The following MAD1L1 variants were observed in gnomAD, a reference collection of about 807,000 sequenced individuals.
MAD1L1 encodes mitotic spindle assembly checkpoint protein MAD1.
In MAD1L1, 95 loss-of-function variants were observed where a neutral mutation model predicts 96.9. That is an observed-to-expected ratio of 0.98 (90% CI 0.83 to 1.16). The LOEUF is 1.16. Ranked by LOEUF, MAD1L1 falls within the 50% of genes most tolerant of loss-of-function variation. The pLI is 0.00. For synonymous variants in MAD1L1, 473 were observed against 396.6 expected (o/e 1.19, Z -2.29); for missense variants, 1,007 against 954.4 (o/e 1.06, Z -0.73).
intron 11 of MAD1L1, among the ~76,000 whole-genome samples, chr7:2,078,492 C>T (rs1463692942): frequency 6.6e-6 from 1 of 152,236 alleles, no homozygotes; most frequent in Non-Finnish European, 1.5e-5. Flanking sequence ...GGAGATGCTC[C>T]CTGATCAGGA....
chr7:2,102,293 T>TGTCACCATCACCACC (rs796797802), intron 11 of MAD1L1, among the ~76,000 whole-genome samples: 1 of 142,098 alleles, frequency 7.0e-6, no homozygotes, highest in Non-Finnish European at 1.5e-5. Flanking sequence ...CCACCGCCAC[T>TGTCACCATCACCACC]GTCACCATCA....
At chr7:2,082,727 C>T (rs1194755536) in intron 11 of MAD1L1, among the ~76,000 whole-genome samples, 2 of 152,212 alleles carry the variant, frequency 1.3e-5, no homozygotes, top group African/African-American at 2.4e-5. Context: ...TGGAATCACC[C>T]GATAGCCCAA....
At chr7:2,111,401 T>C (rs971159675) in intron 11 of MAD1L1, among the ~76,000 whole-genome samples, 4 of 152,202 alleles carry the variant, frequency 2.6e-5, no homozygotes, top group African/African-American at 4.8e-5. Context: ...CTCTCTGCTC[T>C]AGTCAAGGAG....
chr7:1,828,263 TGA>T (rs1016980841), intron 18 of MAD1L1, among the ~76,000 whole-genome samples: 3 of 152,236 alleles, frequency 2.0e-5, no homozygotes, highest in Non-Finnish European at 2.9e-5. Context: ...TGGCGGGCCC[TGA>T]GAGACGGGGC....
chr7:1,856,744 C>G (rs1340351985), intron 18 of MAD1L1, among the ~76,000 whole-genome samples: 1 of 152,178 alleles, frequency 6.6e-6, no homozygotes, highest in Non-Finnish European at 1.5e-5. Flanking sequence ...AGCGGCAGGG[C>G]CCACGCGCAC....
At chr7:1,818,190 G>A (rs1781927623) in intron 18 of MAD1L1, among the ~76,000 whole-genome samples, 1 of 152,090 alleles carries the variant, frequency 6.6e-6, no homozygotes, top group Non-Finnish European at 1.5e-5. Flanking sequence ...GCAGGGGTGG[G>A]GAGGCAGTGT....
intron 12 of MAD1L1, among the ~76,000 whole-genome samples, chr7:2,032,772 G>C (rs1336370354): frequency 6.6e-6 from 1 of 152,352 alleles, no homozygotes; most frequent in Middle Eastern, 3.4e-3. Context: ...AGTGGTGAGG[G>C]GGGTGGCGCC....
At chr7:2,141,111 C>A (rs1391830973) in intron 11 of MAD1L1, among the ~76,000 whole-genome samples, 1 of 152,244 alleles carries the variant, frequency 6.6e-6, no homozygotes, top group Non-Finnish European at 1.5e-5. Context: ...GACGCTGGAC[C>A]CGGCCCCGTC....
chr7:1,977,542 G>A (rs892715645), intron 15 of MAD1L1, among the ~76,000 whole-genome samples: 2 of 152,230 alleles, frequency 1.3e-5, no homozygotes, highest in East Asian at 1.9e-4. Context: ...CTCCGGCCTC[G>A]GCCAGCCCAG....
At chr7:2,198,557 G>A (rs1792114356) in intron 10 of MAD1L1, among the ~76,000 whole-genome samples, 1 of 152,232 alleles carries the variant, frequency 6.6e-6, no homozygotes, top group African/African-American at 2.4e-5. Flanking sequence ...CAGCAATCGC[G>A]CTCTGCGGCA....
At chr7:1,856,672 A>C (rs1784272358) in intron 18 of MAD1L1, among the ~76,000 whole-genome samples, 1 of 152,154 alleles carries the variant, frequency 6.6e-6, no homozygotes, top group Non-Finnish European at 1.5e-5. Context: ...AGAAGGGAAG[A>C]TGGCACAGCC....
chr7:2,037,762 A>G (rs1008506731), intron 12 of MAD1L1, among the ~76,000 whole-genome samples: 6 of 152,136 alleles, frequency 3.9e-5, no homozygotes, highest in Non-Finnish European at 7.4e-5. Context: ...TTCACTGACC[A>G]GCCATCTCCC....
intron 16 of MAD1L1, among the ~76,000 whole-genome samples, chr7:1,944,842 G>A (rs1779156696): frequency 6.6e-6 from 1 of 152,208 alleles, no homozygotes; most frequent in South Asian, 2.1e-4. Context: ...GTGGCTTCTT[G>A]GAGCCTGCAG....
chr7:1,887,807 CTGTG>C lies in MAD1L1; in HGVS notation c.1998+10389_1998+10392del, dbSNP rs371742782. Among the ~76,000 whole-genome samples the C allele has an allele frequency of 5.8e-3, 473 of 81,020 alleles. 2 individuals carry two copies. The highest frequency in any genetic ancestry group is 0.018 in the African/African-American group (448 of 24,566). The allele number at this position is 81,020 out of a possible 152,430, so 53.2% of individuals were successfully genotyped here. On this transcript the variant is annotated intron_variant, in intron 18 of 18. Coordinates refer to ENST00000265854, the MANE Select transcript of MAD1L1 (RefSeq NM_001013836.2). ...TGCATGTGTGCATGTATGTGGCTGC[CTGTG>C]TGTGTGTGCATGTGTGCATGTATGT...
At chr7:2,140,618 C>T (rs1034967667) in intron 11 of MAD1L1, among the ~76,000 whole-genome samples, 3 of 152,244 alleles carry the variant, frequency 2.0e-5, no homozygotes, top group Admixed American at 6.5e-5. Flanking sequence ...GAGCCGGCCC[C>T]GCATCCCAGC....
chr7:2,139,028 G>A (rs1273208709), intron 11 of MAD1L1, among the ~76,000 whole-genome samples: 1 of 152,174 alleles, frequency 6.6e-6, no homozygotes, highest in African/African-American at 2.4e-5. Context: ...GGTCCCAGCA[G>A]GACAAGCGGT....
At chr7:1,906,078 G>A (rs546415436) in intron 17 of MAD1L1, among the ~76,000 whole-genome samples, 10 of 150,496 alleles carry the variant, frequency 6.6e-5, no homozygotes, top group Admixed American at 1.3e-4. Context: ...AAAAAGAGCC[G>A]GGGCCTAGCT....
chr7:1,990,347 C>T (rs1435226996), intron 14 of MAD1L1, among the ~76,000 whole-genome samples: 1 of 152,218 alleles, frequency 6.6e-6, no homozygotes, highest in Non-Finnish European at 1.5e-5. Context: ...TTCCGCTCAA[C>T]TCTGCACCCT....
chr7:1,842,158 C>CTTGTGTGT (rs770348856), intron 18 of MAD1L1, among the ~76,000 whole-genome samples: 29 of 152,162 alleles, frequency 1.9e-4, no homozygotes, highest in Non-Finnish European at 4.0e-4. Flanking sequence ...CTTTGTAGAT[C>CTTGTGTGT]TTGTGTGTTT....
Sources: allele counts gnomAD v4.1 joint callset (sites outside exome capture counted in the v4.1 genomes callset), GRCh38; gene constraint gnomAD v4.1.1; transcripts MANE v1.5; gene names NCBI Gene and HGNC (gene_info 2026-07-23, HGNC 2026-07-21).